AKAP6: variants seen among roughly 807,000 people sequenced by gnomAD.
AKAP6 encodes A-kinase anchor protein 6.
Under a neutral mutation model 188.5 loss-of-function variants are expected in AKAP6, and 58 were observed. The observed-to-expected ratio is 0.31, with a 90% CI of 0.25 to 0.38. The LOEUF is 0.38. Among genes scored for constraint, AKAP6 ranks in the 10% least tolerant of loss-of-function variants. The pLI is 1.00. For synonymous variants in AKAP6, 989 were observed against 998.6 expected, an observed-to-expected ratio of 0.99 and a Z score of 0.18; for missense variants, 2,710 against 2,740.0, an observed-to-expected ratio of 0.99 and a Z score of 0.24.
intron 12 of AKAP6, among the ~76,000 whole-genome samples, chr14:32,795,118 G>A (rs2033727275): frequency 6.6e-6 from 1 of 152,118 alleles, no homozygotes; most frequent in Admixed American, 6.5e-5. Context: ...CCAATAATGA[G>A]TTCTGAAATT....
chr14:32,434,287 T>G (rs1304337280), intron 2 of AKAP6, among the ~76,000 whole-genome samples: 1 of 152,182 alleles, frequency 6.6e-6, no homozygotes, highest in Non-Finnish European at 1.5e-5. Context: ...TACAATGAGT[T>G]GTTTCATCCA....
intron 7 of AKAP6, among the ~76,000 whole-genome samples, chr14:32,614,207 T>C (rs1454790272): frequency 1.3e-5 from 2 of 152,212 alleles, no homozygotes; most frequent in Non-Finnish European, 2.9e-5. Context: ...AATTGTGTGG[T>C]GGTTTTCAGT....
chr14:32,714,787 G>T (rs1329550357), intron 9 of AKAP6, among the ~76,000 whole-genome samples: 1 of 151,648 alleles, frequency 6.6e-6, no homozygotes, highest in Non-Finnish European at 1.5e-5. Flanking sequence ...TAATATATGA[G>T]CAACCTTTTC....
At chr14:32,441,317 A>G (rs1407550234) in intron 2 of AKAP6, among the ~76,000 whole-genome samples, 3 of 152,196 alleles carry the variant, frequency 2.0e-5, no homozygotes, top group African/African-American at 7.2e-5. Context: ...AAGATTGTGT[A>G]AGACTATTTG....
chr14:32,655,417 G>T (rs1186125214), intron 7 of AKAP6, among the ~76,000 whole-genome samples: 1 of 152,108 alleles, frequency 6.6e-6, no homozygotes, highest in Admixed American at 6.6e-5. Flanking sequence ...TTTAAATGTT[G>T]AGGTCAAGTT....
intron 2 of AKAP6, among the ~76,000 whole-genome samples, chr14:32,480,454 A>G (rs2138896994): frequency 6.6e-6 from 1 of 152,310 alleles, no homozygotes; most frequent in East Asian, 1.9e-4. Context: ...GTTGTGCCGT[A>G]GTCATGATGA....
At chr14:32,772,299 T>C (rs1273427547) in intron 11 of AKAP6, among the ~76,000 whole-genome samples, 4 of 152,126 alleles carry the variant, frequency 2.6e-5, no homozygotes, top group African/African-American at 9.7e-5. Context: ...TCAGGACTTA[T>C]ATAGGAAAAT....
chr14:32,725,861 A>G (rs1282174872), intron 9 of AKAP6, among the ~76,000 whole-genome samples: 2 of 152,212 alleles, frequency 1.3e-5, no homozygotes, highest in Non-Finnish European at 2.9e-5. Flanking sequence ...ATGAAACTAA[A>G]TGATGCAACT....
intron 12 of AKAP6, among the ~76,000 whole-genome samples, chr14:32,788,964 G>A (rs571477501): frequency 6.6e-6 from 1 of 152,340 alleles, no homozygotes; most frequent in South Asian, 2.1e-4. Flanking sequence ...GCCTGAGACA[G>A]GACTGAGTTC....
At chr14:32,625,945 A>G (rs551879513) in intron 7 of AKAP6, among the ~76,000 whole-genome samples, 1 of 152,274 alleles carries the variant, frequency 6.6e-6, no homozygotes, top group Admixed American at 6.5e-5. Context: ...AAAGGGACTA[A>G]ATAAGAAGCC....
chr14:32,620,625 C>A (rs1359311204), intron 7 of AKAP6, among the ~76,000 whole-genome samples: 1 of 151,826 alleles, frequency 6.6e-6, no homozygotes, highest in Non-Finnish European at 1.5e-5. Context: ...CTGTAGTTTT[C>A]TTTTTTTGTT....
chr14:32,385,786 A>G (rs1472713519), intron 1 of AKAP6, among the ~76,000 whole-genome samples: 1 of 151,278 alleles, frequency 6.6e-6, no homozygotes, highest in Non-Finnish European at 1.5e-5. Context: ...TATATGAGAT[A>G]TATGTATATC....
At chr14:32,684,623 A>T (rs1466957520) in intron 8 of AKAP6, among the ~76,000 whole-genome samples, 2 of 152,196 alleles carry the variant, frequency 1.3e-5, no homozygotes, top group Non-Finnish European at 2.9e-5. Flanking sequence ...AATTAAGAAT[A>T]GAATTCAAGT....
rs1399785387 is a variant in AKAP6 at position 32,332,561 on chromosome 14, T to C, written c.-35+3153T>C. Among the ~76,000 whole-genome samples, 6 of 152,260 alleles carry C rather than the reference T, an allele frequency of 3.9e-5. No homozygotes were observed. In the East Asian group the frequency reaches 5.8e-4, roughly 15 times the overall value. Reference sequence around the variant, plus strand: ...GTTACATCAATAATTGTGGGCATGATGGAGTTGCACTCAAAGCAGGTCTTA... The same window carrying C: ...GTTACATCAATAATTGTGGGCATGACGGAGTTGCACTCAAAGCAGGTCTTA... On this transcript the variant is annotated intron_variant, in intron 1 of 13. Transcript: ENST00000280979.
At position 32,483,224 on chromosome 14, in the gene AKAP6, A is replaced by G. The variant is rs372762688; in HGVS notation, c.324+49407A>G. Among the ~76,000 whole-genome samples the G allele has an allele frequency of 3.2e-4, 48 of 152,250 alleles. No individual in the cohort carries two copies. The East Asian group carries it at 7.5e-3, about 24-fold the overall frequency. ...TGAAAGTGAGGTTGAAAATATTTTC[A>G]TATATTTAAAAGGCAGTTGTATTCT... On this transcript the variant is annotated intron_variant, in intron 2 of 13. Coordinates refer to ENST00000280979, the MANE Select transcript of AKAP6 (RefSeq NM_004274.5).
intron 3 of AKAP6, among the ~76,000 whole-genome samples, chr14:32,541,405 A>G (rs1318712003): frequency 6.6e-6 from 1 of 152,062 alleles, no homozygotes; most frequent in Non-Finnish European, 1.5e-5. Context: ...CGAGCAAGAC[A>G]GTACCCTGGT....
At chr14:32,765,324 T>G (rs761802236) in intron 11 of AKAP6, among the ~76,000 whole-genome samples, 1 of 152,204 alleles carries the variant, frequency 6.6e-6, no homozygotes, top group Non-Finnish European at 1.5e-5. Context: ...CAGAATGATC[T>G]TTGGTAAAGT....
chr14:32,708,225 C>T (rs1890894485), intron 9 of AKAP6, among the ~76,000 whole-genome samples: 1 of 151,980 alleles, frequency 6.6e-6, no homozygotes, highest in Admixed American at 6.6e-5. Context: ...CCATAGTTGG[C>T]AGGAGAGTTT....
chr14:32,775,049 TG>T (rs376376116), intron 12 of AKAP6, among the ~76,000 whole-genome samples: 51 of 152,322 alleles, frequency 3.3e-4, no homozygotes, highest in African/African-American at 1.2e-3. Flanking sequence ...TCTGTTTAAT[TG>T]TTTTAAGCTG....
Sources: gnomAD v4.1 joint callset for allele counts (sites outside exome capture counted in the v4.1 genomes callset) on GRCh38, gnomAD v4.1.1 for gene constraint, MANE v1.5 for transcripts, NCBI Gene and HGNC (gene_info 2026-07-23, HGNC 2026-07-21) for gene names.